ERG: variants seen among roughly 807,000 people sequenced by gnomAD.
The protein encoded by ERG is transcriptional regulator ERG.
A neutral mutation model predicts 55.3 loss-of-function variants in ERG; 9 were observed. The observed-to-expected ratio is 0.16, with a 90% confidence interval of 0.10 to 0.28. The LOEUF (loss-of-function observed/expected upper bound fraction) is 0.28, where lower values mean the gene tolerates loss of function less well. ERG is among the 10% of genes least tolerant of loss of function. ERG has a pLI of 1.00. For missense variants in ERG, 434 were observed against 631.6 expected (o/e 0.69, Z 3.35); for synonymous variants, 223 against 237.3 (o/e 0.94, Z 0.55).
intron 2 of ERG, among the ~76,000 whole-genome samples, chr21:38,554,644 T>C (rs753934463): frequency 3.3e-5 from 5 of 151,978 alleles, no homozygotes; most frequent in Non-Finnish European, 5.9e-5. Flanking sequence ...ACACAAAGAA[T>C]GGAATGATAG....
At chr21:38,567,893 C>T (rs1039765254) in intron 2 of ERG, among the ~76,000 whole-genome samples, 3 of 152,192 alleles carry the variant, frequency 2.0e-5, no homozygotes, top group South Asian at 2.1e-4. Flanking sequence ...TCACAGTGAC[C>T]TCGCACAGAA....
At chr21:38,481,142 C>T (rs1226075733) in intron 1 of ERG, among the ~76,000 whole-genome samples, 3 of 152,178 alleles carry the variant, frequency 2.0e-5, no homozygotes, top group Non-Finnish European at 4.4e-5. Context: ...TTTTTTCCAA[C>T]ATTTTAATTC....
intron 1 of ERG, among the ~76,000 whole-genome samples, chr21:38,480,027 T>C (rs1358841460): frequency 6.6e-6 from 1 of 152,100 alleles, no homozygotes; most frequent in Non-Finnish European, 1.5e-5. Flanking sequence ...AAAGAAGGGC[T>C]ACCTACACAT....
chr21:38,408,404 C>T (rs923631400), intron 3 of ERG, among the ~76,000 whole-genome samples: 1 of 152,172 alleles, frequency 6.6e-6, no homozygotes, highest in Admixed American at 6.5e-5. Context: ...CTTCTTGTGC[C>T]CTCACCTACA....
At chr21:38,501,964 G>A (rs2080455169), upstream of ERG, among the ~76,000 whole-genome samples, 1 of 152,200 alleles carries the variant, frequency 6.6e-6, no homozygotes. Context: ...ATTTTCTAAA[G>A]ATCGAACAAG....
intron 1 of ERG, among the ~76,000 whole-genome samples, chr21:38,495,155 G>C (rs1168333918): frequency 1.3e-5 from 2 of 152,200 alleles, no homozygotes; most frequent in Non-Finnish European, 2.9e-5. Flanking sequence ...TCAAAATTCT[G>C]TGAGGAGTTA....
chr21:38,558,270 T>C (rs1376161053), intron 2 of ERG, among the ~76,000 whole-genome samples: 2 of 152,122 alleles, frequency 1.3e-5, no homozygotes, highest in African/African-American at 2.4e-5. Context: ...ACACCTTCTG[T>C]CCAAACTGAG....
At chr21:38,586,517 A>G (rs776696743), upstream of ERG, among the ~76,000 whole-genome samples, 1 of 152,112 alleles carries the variant, frequency 6.6e-6, no homozygotes, top group Non-Finnish European at 1.5e-5. Context: ...AATCGAAATC[A>G]TGATGAGTGT....
chr21:38,532,897 G>C (rs571723897), intron 2 of ERG, among the ~76,000 whole-genome samples: 4 of 152,176 alleles, frequency 2.6e-5, no homozygotes, highest in African/African-American at 7.2e-5. Flanking sequence ...AAGCTTCCCA[G>C]TGCTGTATCA....
At chr21:38,568,714 T>C (rs1444779536) in intron 2 of ERG, among the ~76,000 whole-genome samples, 1 of 152,158 alleles carries the variant, frequency 6.6e-6, no homozygotes, top group African/African-American at 2.4e-5. Context: ...ATCTAGTGAT[T>C]AGCTTAGCTG....
intron 1 of ERG, among the ~76,000 whole-genome samples, chr21:38,627,377 CAG>C (rs1377031385): frequency 6.6e-6 from 1 of 152,042 alleles, no homozygotes; most frequent in Non-Finnish European, 1.5e-5. Context: ...TATCACAAAT[CAG>C]TGTTTTTAAG....
intron 1 of ERG, among the ~76,000 whole-genome samples, chr21:38,622,182 CT>C (rs1390397957): frequency 1.3e-5 from 2 of 152,182 alleles, no homozygotes; most frequent in Admixed American, 1.3e-4. Context: ...GATTTGTACT[CT>C]TTTTAGCCAA....
chr21:38,378,152 C>G (rs117010395), downstream of ERG, among the ~76,000 whole-genome samples: 1,535 of 152,312 alleles, frequency 0.01, 16 homozygotes, highest in Admixed American at 0.019. Flanking sequence ...TGGCACTGAT[C>G]AAGAGTGAGG....
Position 38,380,969 on chromosome 21 carries a change from C to T in ERG, c.*2434G>A. 1 of 1,064,872 alleles carries T rather than the reference C, an allele frequency of 9.4e-7. No individual in the cohort carries two copies. The highest frequency in any genetic ancestry group is 1.1e-6 in the Non-Finnish European group (1 of 879,010). 66.0% of individuals were successfully genotyped at this position (1,064,872 alleles called of 1,614,324 possible). On this transcript the variant is annotated 3_prime_UTR_variant, in exon 10 of 10. Coordinates refer to ENST00000288319, the MANE Select transcript of ERG (RefSeq NM_182918.4). Reference sequence around the variant, plus strand: ...TCTTTTCCATTAGCACAGTTTGGGTCAGCCTAACTGCCAGCTTTCATGATT... The same window carrying T: ...TCTTTTCCATTAGCACAGTTTGGGTTAGCCTAACTGCCAGCTTTCATGATT...
chr21:38,400,695 T>C, intron 5 of ERG, 50 bp from the exon 6 acceptor site: 1 of 1,427,118 alleles, frequency 7.0e-7, no homozygotes, highest in Non-Finnish European at 9.8e-7. Flanking sequence ...GTTGTGGTTG[T>C]CGATCTCAAC....
upstream of ERG, among the ~76,000 whole-genome samples, chr21:38,588,779 G>A (rs555700160): frequency 6.6e-6 from 1 of 152,200 alleles, no homozygotes; most frequent in African/African-American, 2.4e-5. Context: ...GTGCAGTGGT[G>A]TCAATAGCTC....
intron 1 of ERG, among the ~76,000 whole-genome samples, chr21:38,447,841 A>G (rs2058906161): frequency 6.6e-6 from 1 of 152,102 alleles, no homozygotes; most frequent in Admixed American, 6.6e-5. Flanking sequence ...CACACTATGT[A>G]ATGTTAGCTT....
At chr21:38,487,100 C>A (rs1444988113) in intron 1 of ERG, among the ~76,000 whole-genome samples, 1 of 142,162 alleles carries the variant, frequency 7.0e-6, no homozygotes, top group Non-Finnish European at 1.5e-5. Flanking sequence ...TAAATCGTAA[C>A]AAGTTCAGCC....
intron 1 of ERG, among the ~76,000 whole-genome samples, chr21:38,459,534 C>T (rs977133161): frequency 3.3e-5 from 5 of 152,190 alleles, no homozygotes; most frequent in South Asian, 2.1e-4. Flanking sequence ...ACACTGACAA[C>T]CTGAAGTTAA....
Sources: allele counts gnomAD v4.1 joint callset (sites outside exome capture counted in the v4.1 genomes callset), GRCh38; gene constraint gnomAD v4.1.1; transcripts MANE v1.5; gene names NCBI Gene and HGNC (gene_info 2026-07-23, HGNC 2026-07-21).